The following IRF1 variants were observed in gnomAD, a reference collection of about 807,000 sequenced individuals.
The protein encoded by IRF1 is interferon regulatory factor 1, also known as interferon regulatory factor-1.
In IRF1, 13 loss-of-function variants were observed where a neutral mutation model predicts 43.7. The observed-to-expected ratio is 0.30, with a 90% CI of 0.19 to 0.47. The LOEUF is 0.47. Among genes scored for constraint, IRF1 ranks in the 20% least tolerant of loss-of-function variants. IRF1 has a pLI of 0.99. For synonymous variants in IRF1, 138 were observed against 146.8 expected (o/e 0.94, Z 0.43); for missense variants, 236 against 408.9 (o/e 0.58, Z 3.65).
chr5:132,486,203 C>T (rs1346954630), intron 7 of IRF1, 48 bp downstream of exon 7: 1 of 1,604,660 alleles, frequency 6.2e-7, no homozygotes, highest in Non-Finnish European at 8.5e-7. Flanking sequence ...AAGCCCTTCA[C>T]AGGACCCAGA....
At chr5:132,484,571 G>A in intron 8 of IRF1, 74 bp from the exon 9 acceptor site, 4 of 1,585,856 alleles carry the variant, frequency 2.5e-6, no homozygotes, top group Non-Finnish European at 3.4e-6. Flanking sequence ...CCCTCAATGA[G>A]CCAGCTCCTC....
At chr5:132,484,652 CA>C in intron 8 of IRF1, 155 bp from the exon 9 acceptor site, 1 of 908,616 alleles carries the variant, frequency 1.1e-6, no homozygotes, top group Non-Finnish European at 1.7e-6. Context: ...GCAGTCAGGA[CA>C]AGGGCCCGGG....
intron 3 of IRF1, chr5:132,487,535 C>T: frequency 2.9e-6 from 1 of 341,772 alleles, no homozygotes; most frequent in South Asian, 3.1e-5. Flanking sequence ...CCTAGAGCTC[C>T]ATCTCTCAAG....
At chr5:132,484,816 T>A (rs1343884827) in intron 8 of IRF1, 1 of 245,954 alleles carries the variant, frequency 4.1e-6, no homozygotes, top group Admixed American at 5.4e-5. Flanking sequence ...AAGGTTAGCA[T>A]AATAAATCAA....
rs1327100548 is a variant in IRF1, at chr5:132,485,712, T to G, written c.672A>C (p.Thr224=). 3 of 1,612,240 alleles carry G rather than the reference T, an allele frequency of 1.9e-6. No individual in the cohort carries two copies. The highest frequency in any genetic ancestry group is 1.3e-5 in the African/African-American group (1 of 74,852). Reference sequence around the variant, plus strand: ...ATTTCCCTTCCTCATCCTCATCTGTTGTAGCTGTGGATGGGGAAAGCAGAG... The same window carrying G: ...ATTTCCCTTCCTCATCCTCATCTGTGGTAGCTGTGGATGGGGAAAGCAGAG... ...VSPMPSTSEA[T]TDEDEEGKLP... Residue 224 remains threonine, a synonymous_variant, in exon 8 of 10, where the codon ACA becomes ACC. Coordinates refer to ENST00000245414, the MANE Select transcript of IRF1 (RefSeq NM_002198.3).
chr5:132,489,958 C>T (rs964466551), intron 1 of IRF1: 16 of 167,706 alleles, frequency 9.5e-5, no homozygotes, highest in African/African-American at 3.6e-4. Flanking sequence ...TCTACGCCTT[C>T]CTGACAGCCA....
chr5:132,485,422 G>C (rs1754495327), intron 8 of IRF1: 1 of 550,914 alleles, frequency 1.8e-6, no homozygotes, highest in Admixed American at 3.0e-5. Context: ...CTGACTCACA[G>C]AGCTGTCTGA....
intron 9 of IRF1, 26 bp from the exon 10 acceptor site, chr5:132,484,101 G>T: frequency 6.2e-7 from 1 of 1,611,658 alleles, no homozygotes; most frequent in Middle Eastern, 1.7e-4. Context: ...AAGGTTGTAT[G>T]AGGGTAGGGG....
intron 7 of IRF1, 94 bp downstream of exon 7, chr5:132,486,157 G>T: frequency 6.6e-7 from 1 of 1,513,558 alleles, no homozygotes; most frequent in Non-Finnish European, 9.1e-7. Flanking sequence ...TCAATTCAGT[G>T]CCAGGTGGAG....
At position 132,488,019 on chromosome 5, in the gene IRF1, T is replaced by C; in HGVS notation, c.94A>G (p.Met32Val). Reference protein sequence around the residue: ...PGLIWINKEEMIFQIPWKHAA... With the variant: ...PGLIWINKEEVIFQIPWKHAA... Reference sequence around the variant, plus strand: ...TGCTTCCATGGGATCTGGAAGATCATCTCCTCCTGAACAATACACACATAC... The same window carrying C: ...TGCTTCCATGGGATCTGGAAGATCACCTCCTCCTGAACAATACACACATAC... Residue 32 changes from methionine (M) to valine (V), a missense_variant, in exon 3 of 10, where the codon ATG (methionine) becomes GTG (valine). Met to Val is a conservative substitution (Grantham distance 21). Transcript: ENST00000245414. 1 of 1,610,138 alleles carries C rather than the reference T, an allele frequency of 6.2e-7. No homozygotes were observed. The highest frequency in any genetic ancestry group is 8.5e-7 in the Non-Finnish European group (1 of 1,177,126).
chr5:132,487,822 G>T, intron 3 of IRF1, 104 bp downstream of exon 3: 1 of 724,620 alleles, frequency 1.4e-6, no homozygotes, highest in Non-Finnish European at 2.5e-6. Flanking sequence ...TCTGCATGTT[G>T]TCTCAGGGAG....
rs1352888709 is a variant in IRF1, at chr5:132,483,877, G to C, written c.*74C>G. On this transcript the variant is annotated 3_prime_UTR_variant, in exon 10 of 10. Coordinates refer to ENST00000245414, the MANE Select transcript of IRF1 (RefSeq NM_002198.3). ...CTGTTGAGGGGCCCACAGAAGTCCA[G>C]CTTCTCTGCACCATATCCACCATGA... 6.4e-7 allele frequency: 1 copy of C among 1,571,110 alleles called. No homozygotes were observed. Among genetic ancestry groups the C allele is most frequent in the Non-Finnish European group, 8.7e-7 (1 of 1,151,424 alleles).
In IRF1 at chr5:132,487,341, C is replaced by T. The variant is rs1375188402; in HGVS notation, c.188-211G>A. On this transcript the variant is annotated intron_variant, in intron 3 of 9. Coordinates refer to ENST00000245414, the MANE Select transcript of IRF1 (RefSeq NM_002198.3). ...CCAGGCTTGGCTTAAACACATCTAG[C>T]GGGCCTCAGTGAAGGGCCCAGCCAG... 71 of 582,106 alleles carry T rather than the reference C, an allele frequency of 1.2e-4. No individual in the cohort carries two copies. The South Asian group carries it at 1.3e-3, about 11-fold the overall frequency. 36.1% of individuals were successfully genotyped at this position (582,106 alleles called of 1,614,324 possible). A position where few individuals can be genotyped will look rare whatever the true frequency, so the allele number is the denominator to read the frequency against.
intron 7 of IRF1, 134 bp from the exon 8 acceptor site, chr5:132,485,850 C>CACACA: frequency 3.3e-6 from 2 of 602,232 alleles, no homozygotes; most frequent in Non-Finnish European, 2.9e-6. Context: ...CACACACACA[C>CACACA]CCTCCCGGTG....
chr5:132,485,456 G>A (rs1754495996), intron 8 of IRF1: 1 of 597,420 alleles, frequency 1.7e-6, no homozygotes, highest in African/African-American at 1.8e-5. Flanking sequence ...GCTTCAGGAC[G>A]GCCTGTCAGA....
rs773565452 is a variant in IRF1 at position 132,486,181 on chromosome 5, TTC to T, written c.667+68_667+69del. ...TGCCAGGTGGAGTTCTGATCATCTT[TTC>T]TCTCTCAGGAAGCCCTTCACAGGAC... On this transcript the variant is annotated intron_variant, in intron 7 of 9. Coordinates refer to ENST00000245414, the MANE Select transcript of IRF1 (RefSeq NM_002198.3). The T allele has an allele frequency of 5.7e-6, 9 of 1,586,334 alleles. No homozygotes were observed. In the East Asian group the frequency reaches 6.7e-5, roughly 12 times the overall value.
At chr5:132,488,931 T>C in intron 2 of IRF1, 1 of 181,632 alleles carries the variant, frequency 5.5e-6, no homozygotes, top group South Asian at 1.2e-4. Context: ...ATAGGGTCTA[T>C]GTTGCCCCAA....
rs747917393 is a variant in IRF1 at position 132,484,502 on chromosome 5, G to T, written c.718-5C>A. 2 of 1,614,078 alleles carry T rather than the reference G, an allele frequency of 1.2e-6. No homozygotes were observed. The highest frequency in any genetic ancestry group is 1.7e-6 in the Non-Finnish European group (2 of 1,179,998). On this transcript the variant is annotated splice_polypyrimidine_tract_variant and splice_region_variant and intron_variant, in intron 8 of 9. Coordinates refer to ENST00000245414, the MANE Select transcript of IRF1 (RefSeq NM_002198.3). ...CCACTCCGACTGCTCCAAGAGCTGG[G>T]GACAGAAGAGCAAGAGGCTATCAAC...
At chr5:132,486,773 G>A in intron 5 of IRF1, 22 bp downstream of exon 5, 2 of 1,614,212 alleles carry the variant, frequency 1.2e-6, no homozygotes, top group African/African-American at 2.7e-5. Context: ...CCAAAGGCCT[G>A]GCTGCTTAGG....
Sources: gnomAD v4.1 joint callset for allele counts on GRCh38, gnomAD v4.1.1 for gene constraint, MANE v1.5 for transcripts, NCBI Gene and HGNC (gene_info 2026-07-23, HGNC 2026-07-21) for gene names.